The following CLASP2 variants were observed in gnomAD, a reference collection of about 807,000 sequenced individuals.
CLASP2 encodes the protein CLIP-associating protein 2.
CLASP2 carries 47 observed loss-of-function variants against 194.4 expected under a neutral mutation model. That is an observed-to-expected ratio of 0.24 (90% CI 0.19 to 0.31). CLASP2 has a LOEUF of 0.31. Ranked by LOEUF, CLASP2 falls within the 10% of genes least tolerant of loss-of-function variation. The pLI is 1.00. For synonymous variants in CLASP2, 619 were observed against 633.5 expected (o/e 0.98, Z 0.34); for missense variants, 1,445 against 1,823.6 (o/e 0.79, Z 3.78).
intron 2 of CLASP2, among the ~76,000 whole-genome samples, chr3:33,691,217 C>T (rs2091316694): frequency 6.6e-6 from 1 of 152,138 alleles, no homozygotes; most frequent in Non-Finnish European, 1.5e-5. Flanking sequence ...GGGACTACTA[C>T]ATAGCTTTTC....
At chr3:33,648,419 G>T (rs114222554) in intron 7 of CLASP2, among the ~76,000 whole-genome samples, 1 of 151,988 alleles carries the variant, frequency 6.6e-6, no homozygotes, top group South Asian at 2.1e-4. Flanking sequence ...ATGAGAAAGC[G>T]GTTATTCCAC....
At chr3:33,639,157 A>G (rs989197831) in intron 8 of CLASP2, among the ~76,000 whole-genome samples, 2 of 152,138 alleles carry the variant, frequency 1.3e-5, no homozygotes, top group Admixed American at 6.5e-5. Flanking sequence ...TCCTGGGTTC[A>G]AGTGATCCTC....
chr3:33,627,368 T>C, intron 9 of CLASP2: 1 of 354,190 alleles, frequency 2.8e-6, no homozygotes, highest in Non-Finnish European at 5.2e-6. Context: ...TAAGAATAAA[T>C]AAAAGTCTAA....
intron 7 of CLASP2, among the ~76,000 whole-genome samples, chr3:33,654,898 C>T (rs986005378): frequency 1.6e-4 from 24 of 152,028 alleles, no homozygotes; most frequent in African/African-American, 5.6e-4. Context: ...ATATAACTGA[C>T]TAGTTAAAAA....
chr3:33,560,702 C>A, intron 28 of CLASP2, 106 bp downstream of exon 28: 1 of 865,812 alleles, frequency 1.2e-6, no homozygotes, highest in Non-Finnish European at 1.8e-6. Flanking sequence ...GGAATCCATG[C>A]AGTCTAAATT....
At chr3:33,529,538 A>G (rs185715908) in intron 34 of CLASP2, among the ~76,000 whole-genome samples, 1 of 152,166 alleles carries the variant, frequency 6.6e-6, no homozygotes, top group Non-Finnish European at 1.5e-5. Context: ...GCCATTTTAC[A>G]TTCATATTTG....
At chr3:33,514,261 A>G (rs1639421064) in intron 36 of CLASP2, among the ~76,000 whole-genome samples, 1 of 152,134 alleles carries the variant, frequency 6.6e-6, no homozygotes, top group Admixed American at 6.6e-5. Context: ...TGCTGGGATT[A>G]CAGGCGTAAG....
chr3:33,661,763 T>C (rs993516591), intron 7 of CLASP2, among the ~76,000 whole-genome samples: 1 of 152,198 alleles, frequency 6.6e-6, no homozygotes, highest in South Asian at 2.1e-4. Flanking sequence ...ACCTACATAC[T>C]GGGAATCATT....
At chr3:33,591,928 G>A (rs1234960942) in intron 21 of CLASP2, among the ~76,000 whole-genome samples, 1 of 152,060 alleles carries the variant, frequency 6.6e-6, no homozygotes, top group Non-Finnish European at 1.5e-5. Context: ...TGTTACCTAA[G>A]ATATAACCAG....
chr3:33,547,790 A>AT (rs551611344), intron 30 of CLASP2, among the ~76,000 whole-genome samples: 36,677 of 135,956 alleles, frequency 0.27, 5,378 homozygotes, highest in Admixed American at 0.38. Context: ...TATTTTATGT[A>AT]TTTTTTTTTT....
Position 33,584,864 on chromosome 3 carries a change from C to A in CLASP2, c.2125G>T (p.Val709Leu). 3 of 1,613,864 alleles carry A rather than the reference C, an allele frequency of 1.9e-6. No individual in the cohort carries two copies. Among genetic ancestry groups the A allele is most frequent in the Non-Finnish European group, 2.5e-6 (3 of 1,179,860 alleles). ...AGGACTCTTTGAACACCAGAGCTCA[C>A]AGTGGACAGGGCTGTTGTGGTCAGA... ...RVLTTTALST[V>L]SSGVQRVLVN... Residue 709 changes from valine (V) to leucine (L), a missense_variant, in exon 22 of 39, where the codon GTG becomes TTG. Transcript: ENST00000682230.
At chr3:33,509,672 A>G (rs2049223818) in intron 37 of CLASP2, among the ~76,000 whole-genome samples, 1 of 152,304 alleles carries the variant, frequency 6.6e-6, no homozygotes, top group Non-Finnish European at 1.5e-5. Context: ...CTTAATATAC[A>G]TACTATGTAA....
intron 6 of CLASP2, among the ~76,000 whole-genome samples, chr3:33,684,061 T>C (rs1455964105): frequency 6.6e-6 from 1 of 150,376 alleles, no homozygotes; most frequent in Non-Finnish European, 1.5e-5. Context: ...CTGACCAACA[T>C]GGAAAAACCC....
intron 12 of CLASP2, among the ~76,000 whole-genome samples, chr3:33,615,961 T>C (rs548931721): frequency 1.3e-4 from 19 of 150,376 alleles, no homozygotes; most frequent in African/African-American, 4.7e-4. Context: ...CAAAGCCTTA[T>C]AATAATAAAG....
chr3:33,708,949 G>A (rs2092866070), intron 1 of CLASP2, among the ~76,000 whole-genome samples: 2 of 152,128 alleles, frequency 1.3e-5, no homozygotes, highest in Non-Finnish European at 2.9e-5. Flanking sequence ...AATTACTGAT[G>A]TTGGTATCTT....
At chr3:33,648,811 G>C in intron 7 of CLASP2, among the ~76,000 whole-genome samples, 1 of 152,106 alleles carries the variant, frequency 6.6e-6, no homozygotes, top group East Asian at 1.9e-4. Flanking sequence ...GCTTCTTAAG[G>C]AGAAGAAACT....
At chr3:33,498,947 T>C (rs2046190687) in intron 38 of CLASP2, among the ~76,000 whole-genome samples, 1 of 152,156 alleles carries the variant, frequency 6.6e-6, no homozygotes, top group African/African-American at 2.4e-5. Flanking sequence ...GTCTTGAAAG[T>C]TGTTCATGAC....
In CLASP2 at chr3:33,565,806, C is replaced by T. The variant is rs145988564; in HGVS notation, c.2766+926G>A. 1.8e-3 allele frequency among the ~76,000 whole-genome samples: 272 copies of T among 149,578 alleles called. 1 individual carries two copies. The highest frequency in any genetic ancestry group is 6.1e-3 in the African/African-American group (248 of 40,750). ...CAGCCTGGGTGAAAGAGCGAGACTC[C>T]GTCTCAAAAAAAAGAAAAAAAAATA... On this transcript the variant is annotated intron_variant, in intron 27 of 38. Coordinates refer to ENST00000682230, the MANE Select transcript of CLASP2 (RefSeq NM_001365631.1).
At chr3:33,630,478 G>C (rs868422384) in intron 9 of CLASP2, among the ~76,000 whole-genome samples, 1 of 152,116 alleles carries the variant, frequency 6.6e-6, no homozygotes, top group African/African-American at 2.4e-5. Context: ...ATAATGAGGA[G>C]TGCAAGCACA....
Sources: gnomAD v4.1 joint callset for allele counts (sites outside exome capture counted in the v4.1 genomes callset) on GRCh38, gnomAD v4.1.1 for gene constraint, MANE v1.5 for transcripts, NCBI Gene and HGNC (gene_info 2026-07-23, HGNC 2026-07-21) for gene names.